The following RALYL variants were observed in gnomAD, a reference collection of about 807,000 sequenced individuals.
RALYL encodes the protein RNA-binding Raly-like protein.
In RALYL, 29 loss-of-function variants were observed where a neutral mutation model predicts 35.1. That is an observed-to-expected ratio of 0.83 (90% CI 0.61 to 1.13). The LOEUF (loss-of-function observed/expected upper bound fraction) is 1.13, where lower values mean the gene tolerates loss of function less well. Among genes scored for constraint, RALYL ranks in the 50% most tolerant of loss-of-function variants. The probability of loss-of-function intolerance (pLI) is 0.00; values close to 1 mark genes in which losing one functional copy is unlikely to be tolerated. For synonymous variants in RALYL, 120 were observed against 127.6 expected, an observed-to-expected ratio of 0.94 and a Z score of 0.40; for missense variants, 359 against 360.4, an observed-to-expected ratio of 1.00 and a Z score of 0.03.
At chr8:84,761,201 T>C (rs558950831) in intron 2 of RALYL, among the ~76,000 whole-genome samples, 4 of 151,984 alleles carry the variant, frequency 2.6e-5, no homozygotes, top group Non-Finnish European at 5.9e-5. Context: ...AGCAAAGTCA[T>C]TGGAAAAGAG....
chr8:84,693,177 T>C (rs1838416978), intron 2 of RALYL, among the ~76,000 whole-genome samples: 1 of 151,968 alleles, frequency 6.6e-6, no homozygotes, highest in South Asian at 2.1e-4. Context: ...GGACACTGGC[T>C]GGCTGTTGGG....
intron 2 of RALYL, among the ~76,000 whole-genome samples, chr8:84,561,984 A>G (rs947009299): frequency 3.3e-5 from 5 of 151,924 alleles, no homozygotes; most frequent in Non-Finnish European, 7.4e-5. Context: ...TTTCCACCAA[A>G]CAGTTGTTCT....
At chr8:84,427,699 T>C (rs1221215680) in intron 1 of RALYL, among the ~76,000 whole-genome samples, 2 of 152,172 alleles carry the variant, frequency 1.3e-5, no homozygotes, top group East Asian at 3.9e-4. Flanking sequence ...GCTCAGAATA[T>C]CTCCTGTTCT....
chr8:84,720,079 C>T (rs964200136), intron 2 of RALYL, among the ~76,000 whole-genome samples: 2 of 152,034 alleles, frequency 1.3e-5, no homozygotes, highest in Non-Finnish European at 2.9e-5. Flanking sequence ...CATGTTGTCA[C>T]AAATGATAGG....
chr8:84,264,432 T>C (rs1295233260), intron 1 of RALYL, among the ~76,000 whole-genome samples: 5 of 151,778 alleles, frequency 3.3e-5, no homozygotes, highest in Admixed American at 6.6e-5. Flanking sequence ...TCTGTGTCCG[T>C]TGCCCACTTT....
At chr8:84,282,280 C>T (rs1836724263) in intron 1 of RALYL, among the ~76,000 whole-genome samples, 1 of 151,344 alleles carries the variant, frequency 6.6e-6, no homozygotes, top group Non-Finnish European at 1.5e-5. Context: ...ATTATAGTCC[C>T]TCTTTCTCAC....
In RALYL at chr8:84,599,274, G is replaced by T. The variant is rs543976401; in HGVS notation, c.256+69697G>T. On this transcript the variant is annotated intron_variant, in intron 2 of 8. Transcript: ENST00000521268. ...GAATAAATTAAAACCTCATACATGT[G>T]AAATATTTTATATATTTAATATTAG... Among the ~76,000 whole-genome samples, 53 of 151,894 alleles carry T rather than the reference G, an allele frequency of 3.5e-4. 2 individuals are homozygous for T. In the South Asian group the frequency reaches 8.7e-3, roughly 25 times the overall value.
intron 2 of RALYL, among the ~76,000 whole-genome samples, chr8:84,675,542 T>A (rs1447607121): frequency 2.6e-5 from 4 of 152,174 alleles, no homozygotes; most frequent in African/African-American, 9.6e-5. Context: ...TAAAATGAAA[T>A]TTTAGGAGTT....
chr8:84,620,473 G>T (rs1821077279), intron 2 of RALYL, among the ~76,000 whole-genome samples: 1 of 151,912 alleles, frequency 6.6e-6, no homozygotes, highest in Admixed American at 6.6e-5. Context: ...CTCTGTATTG[G>T]TTATTCTAGT....
intron 3 of RALYL, among the ~76,000 whole-genome samples, chr8:84,790,563 C>A (rs1486953445): frequency 1.3e-5 from 2 of 152,130 alleles, no homozygotes; most frequent in East Asian, 1.9e-4. Context: ...CATCAATTAA[C>A]TATTAAGCAC....
intron 1 of RALYL, among the ~76,000 whole-genome samples, chr8:84,315,895 A>G (rs1045147308): frequency 6.6e-6 from 1 of 152,080 alleles, no homozygotes; most frequent in Non-Finnish European, 1.5e-5. Flanking sequence ...TTTTTAGCCT[A>G]AATGAAAATT....
rs1169266741 is a variant in RALYL at position 84,310,969 on chromosome 8, C to T, written c.-24+126545C>T. Among the ~76,000 whole-genome samples, 66 of 134,426 alleles carry T rather than the reference C, an allele frequency of 4.9e-4. 3 individuals are homozygous for T. Among genetic ancestry groups the T allele is most frequent in the Non-Finnish European group, 8.8e-4 (57 of 64,862 alleles). The allele number at this position is 134,426 out of a possible 152,430, so 88.2% of individuals were successfully genotyped here. A position where few individuals can be genotyped will look rare whatever the true frequency, so the allele number is the denominator to read the frequency against. On this transcript the variant is annotated intron_variant, in intron 1 of 8. Transcript: ENST00000521268. Reference sequence around the variant, plus strand: ...GGCTGAGGCAGGAGAATGGCGTGAACCCGGGAAGCGGAGCTTGCAGTGAGC... The same window carrying T: ...GGCTGAGGCAGGAGAATGGCGTGAATCCGGGAAGCGGAGCTTGCAGTGAGC...
intron 8 of RALYL, among the ~76,000 whole-genome samples, chr8:84,893,761 AGG>A (rs2135486677): frequency 6.6e-6 from 1 of 152,340 alleles, no homozygotes; most frequent in Admixed American, 6.5e-5. Context: ...CAATTCCCAA[AGG>A]AAACTATAGA....
intron 2 of RALYL, among the ~76,000 whole-genome samples, chr8:84,684,811 G>A (rs1012301457): frequency 2.0e-5 from 3 of 152,316 alleles, no homozygotes; most frequent in South Asian, 2.1e-4. Context: ...TTGTATTTAT[G>A]AAGATGTATT....
At chr8:84,905,678 G>T (rs1400796567) in intron 8 of RALYL, among the ~76,000 whole-genome samples, 2 of 150,016 alleles carry the variant, frequency 1.3e-5, no homozygotes, top group East Asian at 3.9e-4. Flanking sequence ...GAATTTTCTG[G>T]CACTACCATT....
At chr8:84,410,596 T>A (rs547605046) in intron 1 of RALYL, among the ~76,000 whole-genome samples, 1 of 152,008 alleles carries the variant, frequency 6.6e-6, no homozygotes, top group South Asian at 2.1e-4. Flanking sequence ...AGGACATTAT[T>A]GTTTACAATA....
chr8:84,571,238 G>T (rs993487097), intron 2 of RALYL, among the ~76,000 whole-genome samples: 1 of 151,598 alleles, frequency 6.6e-6, no homozygotes, highest in African/African-American at 2.4e-5. Context: ...AATCCATCTG[G>T]TCCTGGGATT....
chr8:84,449,020 T>A (rs968505264), intron 1 of RALYL, among the ~76,000 whole-genome samples: 2 of 151,778 alleles, frequency 1.3e-5, no homozygotes, highest in Admixed American at 6.6e-5. Flanking sequence ...CCCATTCAGA[T>A]AATGGAATGT....
chr8:84,329,744 A>G (rs772419100), intron 1 of RALYL, among the ~76,000 whole-genome samples: 21 of 152,090 alleles, frequency 1.4e-4, no homozygotes, highest in Admixed American at 9.2e-4. Context: ...AGCAGATTCT[A>G]TTAGAACTTC....
Sources: allele counts gnomAD v4.1 joint callset (sites outside exome capture counted in the v4.1 genomes callset), GRCh38; gene constraint gnomAD v4.1.1; transcripts MANE v1.5; gene names NCBI Gene and HGNC (gene_info 2026-07-23, HGNC 2026-07-21).